The following ZBTB16 variants were observed in gnomAD, a reference collection of about 807,000 sequenced individuals.
The protein encoded by ZBTB16 is zinc finger and BTB domain-containing protein 16.
A neutral mutation model predicts 56.8 loss-of-function variants in ZBTB16; 8 were observed. The observed-to-expected ratio is 0.14, with a 90% CI of 0.08 to 0.25. The LOEUF is 0.25. Ranked by LOEUF, ZBTB16 falls within the 10% of genes least tolerant of loss-of-function variation. The pLI is 1.00. For missense variants in ZBTB16, 625 were observed against 903.0 expected (o/e 0.69, Z 3.95); for synonymous variants, 363 against 368.5 (o/e 0.98, Z 0.17).
intron 4 of ZBTB16, among the ~76,000 whole-genome samples, chr11:114,226,481 C>CA (rs747926642): frequency 1.2e-4 from 18 of 152,130 alleles, no homozygotes; most frequent in Non-Finnish European, 2.1e-4. Flanking sequence ...GGCAGTGGCC[C>CA]AAAAACTCCA....
At position 114,253,462 on chromosome 11, in the gene ZBTB16, C is replaced by T. The variant is rs936247968; in HGVS notation, c.*2907C>T. ...AAATATCCCTTTGTACATGTATGTG[C>T]GTGTGCGCGTGTGCTTTGTGTGTGT... On this transcript the variant is annotated 3_prime_UTR_variant, in exon 7 of 7. Coordinates refer to ENST00000335953, the MANE Select transcript of ZBTB16 (RefSeq NM_006006.6). Among the ~76,000 whole-genome samples, 11 of 152,072 alleles carry T rather than the reference C, an allele frequency of 7.2e-5. No homozygotes were observed. Among genetic ancestry groups the T allele is most frequent in the Admixed American group, 7.2e-4 (11 of 15,278 alleles).
intron 4 of ZBTB16, among the ~76,000 whole-genome samples, chr11:114,203,873 CAGGA>C: frequency 6.6e-6 from 1 of 152,176 alleles, no homozygotes; most frequent in Middle Eastern, 3.4e-3. Context: ...TTTTCAGAAA[CAGGA>C]AGGAAGGATC....
At chr11:114,090,620 G>A (rs1435466681) in intron 2 of ZBTB16, among the ~76,000 whole-genome samples, 1 of 152,178 alleles carries the variant, frequency 6.6e-6, no homozygotes, top group Non-Finnish European at 1.5e-5. Flanking sequence ...TTGATTCTCA[G>A]CCTTTTCATC....
chr11:114,253,186 G>A lies in ZBTB16; in HGVS notation c.*2631G>A, dbSNP rs1417093239. Reference sequence around the variant, plus strand: ...AACAGCAAGATGTCATTCAACATTGGTGGGGAAGGAAGAGAAAAAAATCAA... The same window carrying A: ...AACAGCAAGATGTCATTCAACATTGATGGGGAAGGAAGAGAAAAAAATCAA... On this transcript the variant is annotated 3_prime_UTR_variant, in exon 7 of 7. Coordinates refer to ENST00000335953, the MANE Select transcript of ZBTB16 (RefSeq NM_006006.6). Among the ~76,000 whole-genome samples the A allele has an allele frequency of 6.6e-6, 1 of 152,076 alleles. No individual in the cohort carries two copies. Among genetic ancestry groups the A allele is most frequent in the Non-Finnish European group, 1.5e-5 (1 of 68,018 alleles).
chr11:114,180,235 C>T (rs1376411477), intron 3 of ZBTB16, among the ~76,000 whole-genome samples: 2 of 152,168 alleles, frequency 1.3e-5, no homozygotes, highest in Non-Finnish European at 2.9e-5. Flanking sequence ...CAGGGAGCTC[C>T]CTACAGGGTG....
At chr11:114,081,412 A>G (rs891634506) in intron 2 of ZBTB16, among the ~76,000 whole-genome samples, 69 of 120,678 alleles carry the variant, frequency 5.7e-4, no homozygotes, top group Non-Finnish European at 8.8e-4. Context: ...ATGTATGTTG[A>G]TATCTATGAC....
At chr11:114,154,302 C>G (rs74874060) in intron 2 of ZBTB16, among the ~76,000 whole-genome samples, 2,765 of 152,302 alleles carry the variant, frequency 0.018, 85 homozygotes, top group African/African-American at 0.063. Context: ...ACTCCAGGAG[C>G]TAACAAACCC....
chr11:114,214,159 T>C (rs1454105916), intron 4 of ZBTB16, among the ~76,000 whole-genome samples: 3 of 152,200 alleles, frequency 2.0e-5, no homozygotes, highest in Admixed American at 2.0e-4. Context: ...TTTAGTCTCA[T>C]GTCTGGACCC....
At chr11:114,138,594 G>T (rs1941860047) in intron 2 of ZBTB16, among the ~76,000 whole-genome samples, 1 of 152,030 alleles carries the variant, frequency 6.6e-6, no homozygotes, top group South Asian at 2.1e-4. Flanking sequence ...GGTGGCTAAT[G>T]CTCTGCCCTG....
At chr11:114,102,182 G>A (rs1036429251) in intron 2 of ZBTB16, among the ~76,000 whole-genome samples, 1 of 152,032 alleles carries the variant, frequency 6.6e-6, no homozygotes, top group African/African-American at 2.4e-5. Context: ...CAGCTGCTTT[G>A]CCCTGCAGAC....
At chr11:114,249,708 T>C (rs1472982072) in intron 6 of ZBTB16, among the ~76,000 whole-genome samples, 4 of 133,124 alleles carry the variant, frequency 3.0e-5, no homozygotes, top group African/African-American at 1.2e-4. Context: ...GAGCTTGCAG[T>C]GAGCCGAGAT....
intron 1 of ZBTB16, among the ~76,000 whole-genome samples, chr11:114,062,716 G>A (rs1350731557): frequency 1.3e-5 from 2 of 152,244 alleles, no homozygotes; most frequent in Non-Finnish European, 2.9e-5. Flanking sequence ...GTTTGACTCT[G>A]CTTCTGGGGC....
intron 2 of ZBTB16, among the ~76,000 whole-genome samples, chr11:114,123,761 A>C (rs1565637540): frequency 6.6e-6 from 1 of 152,150 alleles, no homozygotes; most frequent in Admixed American, 6.5e-5. Flanking sequence ...GTTCCAAAGG[A>C]ATTAAGTCAC....
chr11:114,061,015 C>T (rs1307132337), intron 1 of ZBTB16, among the ~76,000 whole-genome samples: 2 of 152,326 alleles, frequency 1.3e-5, no homozygotes, highest in East Asian at 1.9e-4. Context: ...TGTCGCCGTT[C>T]CTCCCCGTCT....
At chr11:114,073,301 G>A (rs1055283603) in intron 2 of ZBTB16, among the ~76,000 whole-genome samples, 1 of 152,154 alleles carries the variant, frequency 6.6e-6, no homozygotes, top group African/African-American at 2.4e-5. Flanking sequence ...AGCTTCTAGT[G>A]ATAGAGGCCT....
chr11:114,100,266 A>G (rs1470534012), intron 2 of ZBTB16, among the ~76,000 whole-genome samples: 1 of 152,200 alleles, frequency 6.6e-6, no homozygotes, highest in Non-Finnish European at 1.5e-5. Context: ...GCTCATGGTC[A>G]GCCCGAGGTG....
intron 3 of ZBTB16, among the ~76,000 whole-genome samples, chr11:114,162,427 C>A (rs535550784): frequency 6.6e-6 from 1 of 152,300 alleles, no homozygotes; most frequent in East Asian, 1.9e-4. Flanking sequence ...GTGGTCCCCA[C>A]GCTGATGATG....
intron 2 of ZBTB16, among the ~76,000 whole-genome samples, chr11:114,112,740 A>G (rs1386973086): frequency 7.1e-6 from 1 of 141,558 alleles, no homozygotes; most frequent in Non-Finnish European, 1.5e-5. Context: ...AGCCATTTCT[A>G]TTTTCACACA....
chr11:114,219,797 A>G (rs1174057081), intron 4 of ZBTB16, among the ~76,000 whole-genome samples: 2 of 152,162 alleles, frequency 1.3e-5, no homozygotes, highest in Non-Finnish European at 2.9e-5. Context: ...AAGGGGAGCT[A>G]TTAGGCCTGA....
Sources: allele counts gnomAD v4.1 joint callset (sites outside exome capture counted in the v4.1 genomes callset), GRCh38; gene constraint gnomAD v4.1.1; transcripts MANE v1.5; gene names NCBI Gene and HGNC (gene_info 2026-07-23, HGNC 2026-07-21).